The following SLC2A9 variants were observed in gnomAD, a reference collection of about 807,000 sequenced individuals.
SLC2A9 encodes the protein solute carrier family 2 member 9, also known as solute carrier family 2, facilitated glucose transporter member 9.
In SLC2A9, 39 loss-of-function variants were observed where a neutral mutation model predicts 50.6. The observed-to-expected ratio is 0.77, with a 90% CI of 0.60 to 1.01. The LOEUF (loss-of-function observed/expected upper bound fraction) is 1.01. Ranked by LOEUF, SLC2A9 falls within the 50% of genes least tolerant of loss-of-function variation. SLC2A9 has a pLI of 0.00. For missense variants in SLC2A9, 686 were observed against 677.6 expected, an observed-to-expected ratio of 1.01 and a Z score of -0.14; for synonymous variants, 324 against 276.9, an observed-to-expected ratio of 1.17 and a Z score of -1.69.
intron 4 of SLC2A9, among the ~76,000 whole-genome samples, chr4:9,984,120 TATAGACAAATGA>T (rs1420640150): frequency 1.3e-5 from 2 of 152,192 alleles, no homozygotes; most frequent in African/African-American, 2.4e-5. Flanking sequence ...ATTCAAGTAG[TATAGACAAATGA>T]ATAGACAAAT....
chr4:9,809,849 TTTC>T (rs1722641500), intron 3 of SLC2A9, among the ~76,000 whole-genome samples: 1 of 150,764 alleles, frequency 6.6e-6, no homozygotes, highest in African/African-American at 2.5e-5. Context: ...CAAGTTTTCT[TTTC>T]TTTTTTTTTT....
At chr4:9,827,761 C>A (rs1032235662) in intron 11 of SLC2A9, among the ~76,000 whole-genome samples, 1 of 152,182 alleles carries the variant, frequency 6.6e-6, no homozygotes, top group Non-Finnish European at 1.5e-5. Context: ...GCTCTTGAGA[C>A]TGTGCCTTCT....
downstream of SLC2A9, among the ~76,000 whole-genome samples, chr4:9,823,834 T>A (rs1724735751): frequency 6.6e-6 from 1 of 152,202 alleles, no homozygotes; most frequent in Non-Finnish European, 1.5e-5. Flanking sequence ...AGATTGTAAT[T>A]GTGTTTCATG....
chr4:9,835,582 T>A (rs6823129), intron 10 of SLC2A9, among the ~76,000 whole-genome samples: 24,189 of 152,090 alleles, frequency 0.16, 2,591 homozygotes, highest in African/African-American at 0.31. Flanking sequence ...CTGGAGGCAT[T>A]CATTGTGTCA....
At chr4:9,825,304 C>G (rs1008808144), downstream of SLC2A9, among the ~76,000 whole-genome samples, 4 of 152,236 alleles carry the variant, frequency 2.6e-5, no homozygotes, top group African/African-American at 9.6e-5. Context: ...CTCAACATAT[C>G]TATTCCAAAC....
At chr4:10,010,919 C>T (rs950221489) in intron 2 of SLC2A9, among the ~76,000 whole-genome samples, 1 of 152,206 alleles carries the variant, frequency 6.6e-6, no homozygotes, top group African/African-American at 2.4e-5. Context: ...GTCCATCCCC[C>T]AGTGGTCGTT....
At chr4:9,831,828 T>C (rs911840386) in intron 11 of SLC2A9, among the ~76,000 whole-genome samples, 3 of 152,132 alleles carry the variant, frequency 2.0e-5, no homozygotes, top group African/African-American at 7.2e-5. Context: ...AGAGACTACA[T>C]TGCACCTGCC....
intron 4 of SLC2A9, among the ~76,000 whole-genome samples, chr4:9,981,411 C>G (rs1374377888): frequency 6.6e-6 from 1 of 151,800 alleles, no homozygotes; most frequent in Admixed American, 6.6e-5. Flanking sequence ...TACCAAGTAA[C>G]AGGAATCCTT....
chr4:9,980,526 AGGCTCCTTCCT>A, intron 5 of SLC2A9, 55 bp downstream of exon 5: 1 of 1,608,836 alleles, frequency 6.2e-7, no homozygotes, highest in East Asian at 2.2e-5. Context: ...TTTGGAGAAA[AGGCTCCTTCCT>A]GCAGTGGTAA....
intron 5 of SLC2A9, 108 bp from the exon 6 acceptor site, chr4:9,942,153 G>A: frequency 7.4e-7 from 1 of 1,345,824 alleles, no homozygotes; most frequent in Non-Finnish European, 1.1e-6. Flanking sequence ...TTCCTGCCCA[G>A]CATGATCCCC....
intron 5 of SLC2A9, among the ~76,000 whole-genome samples, chr4:9,971,087 G>A (rs1357983221): frequency 6.6e-6 from 1 of 152,202 alleles, no homozygotes; most frequent in Non-Finnish European, 1.5e-5. Context: ...CACTCAGGGA[G>A]CTCGGATTTT....
chr4:9,993,949 C>A (rs537789560), intron 3 of SLC2A9, among the ~76,000 whole-genome samples: 1 of 152,332 alleles, frequency 6.6e-6, no homozygotes, highest in African/African-American at 2.4e-5. Context: ...CAGCCAGTGA[C>A]CAGCCCCATC....
At chr4:10,013,877 C>A (rs1244211979) in intron 2 of SLC2A9, among the ~76,000 whole-genome samples, 1 of 152,160 alleles carries the variant, frequency 6.6e-6, no homozygotes, top group Non-Finnish European at 1.5e-5. Flanking sequence ...GACTTACAAG[C>A]CTGGGCCAGT....
At chr4:9,948,272 ATCACT>A (rs1194484446) in intron 5 of SLC2A9, among the ~76,000 whole-genome samples, 1 of 152,164 alleles carries the variant, frequency 6.6e-6, no homozygotes, top group Non-Finnish European at 1.5e-5. Flanking sequence ...GCCCATTGGA[ATCACT>A]TGGAGAGTTT....
intron 2 of SLC2A9, among the ~76,000 whole-genome samples, chr4:10,002,414 C>T (rs962592027): frequency 5.9e-5 from 9 of 152,202 alleles, no homozygotes; most frequent in African/African-American, 1.4e-4. Context: ...CCCACAGTCA[C>T]GGCTTATATG....
intron 10 of SLC2A9, among the ~76,000 whole-genome samples, chr4:9,839,673 G>A (rs1016045914): frequency 1.3e-5 from 2 of 152,244 alleles, no homozygotes; most frequent in Admixed American, 6.5e-5. Flanking sequence ...CATGTCCTTT[G>A]CAGGGACATG....
At chr4:9,899,483 C>A (rs1478718606) in intron 8 of SLC2A9, among the ~76,000 whole-genome samples, 1 of 152,138 alleles carries the variant, frequency 6.6e-6, no homozygotes, top group Non-Finnish European at 1.5e-5. Context: ...GAAGCCAAGA[C>A]CTTGGAAAGC....
At chr4:9,941,291 T>C (rs934495819) in intron 6 of SLC2A9, among the ~76,000 whole-genome samples, 8 of 152,156 alleles carry the variant, frequency 5.3e-5, no homozygotes, top group Non-Finnish European at 7.3e-5. Flanking sequence ...CATCCCCCCA[T>C]TTAGGGCATT....
At position 9,947,683 on chromosome 4, in the gene SLC2A9, A is replaced by G. The variant is rs75057994; in HGVS notation, c.682-5638T>C. Among the ~76,000 whole-genome samples the G allele has an allele frequency of 4.1e-3, 626 of 151,974 alleles. 5 individuals carry two copies. Among genetic ancestry groups the G allele is most frequent in the African/African-American group, 0.014 (587 of 41,430 alleles). On this transcript the variant is annotated intron_variant, in intron 5 of 11. Transcript: ENST00000264784. ...CCAATCCAAAGTCTATACTCCAATC[A>G]CTTCCTTTATCAAACTCTCACACTC...
Sources: allele counts gnomAD v4.1 joint callset (sites outside exome capture counted in the v4.1 genomes callset), GRCh38; gene constraint gnomAD v4.1.1; transcripts MANE v1.5; gene names NCBI Gene and HGNC (gene_info 2026-07-23, HGNC 2026-07-21).